DST: variants seen among roughly 807,000 people sequenced by gnomAD.
DST encodes dystonin.
DST carries 253 observed loss-of-function variants against 875.2 expected under a neutral mutation model. The observed-to-expected ratio is 0.29, with a 90% CI of 0.26 to 0.32. The LOEUF (loss-of-function observed/expected upper bound fraction) is 0.32, where lower values mean the gene tolerates loss of function less well. DST is among the 10% of genes least tolerant of loss of function. The pLI is 1.00. For synonymous variants in DST, 3,124 were observed against 3,197.1 expected (o/e 0.98, Z 0.77); for missense variants, 8,287 against 9,111.6 (o/e 0.91, Z 3.68).
chr6:56,835,911 T>A (rs750750125), intron 4 of DST, among the ~76,000 whole-genome samples: 1 of 152,244 alleles, frequency 6.6e-6, no homozygotes, highest in Non-Finnish European at 1.5e-5. Context: ...TTCAGGCATG[T>A]ATCAAAGCAG....
chr6:56,756,728 G>A (rs2099604762), intron 4 of DST, among the ~76,000 whole-genome samples: 1 of 152,162 alleles, frequency 6.6e-6, no homozygotes, highest in Admixed American at 6.5e-5. Context: ...TGCCACATCA[G>A]ACTATGCTTT....
intron 47 of DST, among the ~76,000 whole-genome samples, chr6:56,596,653 T>C (rs1349598074): frequency 2.0e-5 from 3 of 152,306 alleles, no homozygotes; most frequent in African/African-American, 7.2e-5. Flanking sequence ...GTATTTTCTA[T>C]AAGAACCTCA....
intron 97 of DST, 94 bp downstream of exon 97, chr6:56,469,789 A>T: frequency 9.0e-7 from 1 of 1,113,200 alleles, no homozygotes; most frequent in East Asian, 2.4e-5. Context: ...AAAAGTAAAT[A>T]AATAAGACTC....
At chr6:56,703,861 T>C in intron 6 of DST, 115 bp from the exon 7 acceptor site, 1 of 182,430 alleles carries the variant, frequency 5.5e-6, no homozygotes, top group Non-Finnish European at 9.7e-6. Flanking sequence ...GAAGGGGAAG[T>C]AATGTTCACC....
chr6:56,619,073 G>T, intron 36 of DST: 2 of 1,613,892 alleles, frequency 1.2e-6, no homozygotes, highest in South Asian at 1.1e-5. Context: ...TTGACTTTTC[G>T]CCAGGTCTTC....
In DST at chr6:56,642,512, T is replaced by G. The variant is rs771538842; in HGVS notation, c.1779-9A>C. 3 of 1,611,136 alleles carry G rather than the reference T, an allele frequency of 1.9e-6. No homozygotes were observed. Among genetic ancestry groups the G allele is most frequent in the Non-Finnish European group, 8.5e-7 (1 of 1,177,376 alleles). On this transcript the variant is annotated splice_polypyrimidine_tract_variant and intron_variant, in intron 15 of 103. Coordinates refer to ENST00000680361, the MANE Select transcript of DST (RefSeq NM_001374736.1). ...GTTGCAACATTTCTAACCTAAAAGA[T>G]GAGACAAAATAAAATAAAGCTTCTC...
chr6:56,805,498 A>C (rs111453708), intron 4 of DST, among the ~76,000 whole-genome samples: 2,733 of 152,304 alleles, frequency 0.018, 68 homozygotes, highest in African/African-American at 0.062. Context: ...ACAAAAAAAA[A>C]CACCTTCAGT....
intron 52 of DST, 35 bp from the exon 53 acceptor site, chr6:56,572,301 G>A: frequency 2.8e-6 from 4 of 1,452,112 alleles, no homozygotes; most frequent in Non-Finnish European, 3.7e-6. Flanking sequence ...CAATATAAAT[G>A]TTGCTAGATC....
At chr6:56,527,315 T>G (rs773115325) in intron 68 of DST, among the ~76,000 whole-genome samples, 178 bp downstream of exon 68, 1 of 152,176 alleles carries the variant, frequency 6.6e-6, no homozygotes, top group Non-Finnish European at 1.5e-5. Flanking sequence ...ACTGTTTTCA[T>G]CTCTGGGCTC....
intron 2 of DST, among the ~76,000 whole-genome samples, chr6:56,938,483 A>G (rs181124916): frequency 3.3e-5 from 5 of 152,300 alleles, no homozygotes; most frequent in Admixed American, 3.3e-4. Context: ...ATTTCCATAC[A>G]TATGAAAGCC....
chr6:56,625,737 TA>T (rs557564533), intron 34 of DST, among the ~76,000 whole-genome samples: 6,652 of 140,182 alleles, frequency 0.047, 314 homozygotes, highest in African/African-American at 0.13. Context: ...CCTACTTATT[TA>T]AAAAAAAAAA....
chr6:56,935,932 A>G (rs1812796933), intron 2 of DST, among the ~76,000 whole-genome samples: 1 of 152,146 alleles, frequency 6.6e-6, no homozygotes, highest in Admixed American at 6.6e-5. Context: ...TCAAAAAGAG[A>G]AAAAAGAAAA....
chr6:56,595,227 C>T (rs2098351610), intron 47 of DST, among the ~76,000 whole-genome samples: 1 of 152,128 alleles, frequency 6.6e-6, no homozygotes, highest in Non-Finnish European at 1.5e-5. Context: ...CCTCCATCCC[C>T]ACCCTGGTAA....
At position 56,482,282 on chromosome 6, in the gene DST, A is replaced by C. The variant is rs530156928; in HGVS notation, c.21403-104T>G. ...GGATTCATCCCTTCAATGAAAAAAA[A>C]AAAGTTTTAAATTTAATTGCTTCAT... is the stretch of plus-strand genomic sequence containing the variant. On this transcript the variant is annotated intron_variant, in intron 89 of 103. Transcript: ENST00000680361. 15 of 1,324,910 alleles carry C rather than the reference A, an allele frequency of 1.1e-5. No individual in the cohort carries two copies. In the East Asian group the frequency reaches 2.8e-4, roughly 25 times the overall value. The allele number at this position is 1,324,910 out of a possible 1,614,324, so 82.1% of individuals were successfully genotyped here.
At chr6:56,662,797 T>C (rs1331698425) in intron 10 of DST, among the ~76,000 whole-genome samples, 1 of 151,730 alleles carries the variant, frequency 6.6e-6, no homozygotes, top group Non-Finnish European at 1.5e-5. Flanking sequence ...ACAAAATTAG[T>C]TGGGCATGGG....
At chr6:56,582,273 T>C (rs373642152) in intron 49 of DST, among the ~76,000 whole-genome samples, 2 of 152,192 alleles carry the variant, frequency 1.3e-5, no homozygotes, top group South Asian at 4.1e-4. Flanking sequence ...AGGGAGAACC[T>C]GGTGGGAGAT....
At chr6:56,485,829 A>C (rs2095540487) in intron 87 of DST, among the ~76,000 whole-genome samples, 1 of 152,132 alleles carries the variant, frequency 6.6e-6, no homozygotes, top group Non-Finnish European at 1.5e-5. Context: ...TATACATTTT[A>C]ACACATGTAT....
chr6:56,601,432 GA>G lies in DST; in HGVS notation c.11541+10del, dbSNP rs757368248. ...AAACAATGAATGCCAACTCCACGAAGAAAGGCAAACCTTCTGATCATCAAGA... is the reference window on the plus strand; with the variant it reads ...AAACAATGAATGCCAACTCCACGAAGAAGGCAAACCTTCTGATCATCAAGA... On this transcript the variant is annotated intron_variant, in intron 44 of 103. Transcript: ENST00000680361. 2 of 1,553,786 alleles carry G rather than the reference GA, an allele frequency of 1.3e-6. No homozygotes were observed. The highest frequency in any genetic ancestry group is 1.8e-6 in the Non-Finnish European group (2 of 1,140,940).
chr6:56,932,873 G>A (rs943241984), intron 2 of DST, among the ~76,000 whole-genome samples: 3 of 150,566 alleles, frequency 2.0e-5, no homozygotes, highest in African/African-American at 7.4e-5. Flanking sequence ...GAATTTCCAG[G>A]TACCTAGGTC....
Sources: allele counts gnomAD v4.1 joint callset (sites outside exome capture counted in the v4.1 genomes callset), GRCh38; gene constraint gnomAD v4.1.1; transcripts MANE v1.5; gene names NCBI Gene and HGNC (gene_info 2026-07-23, HGNC 2026-07-21).